ATP10B: variants seen among roughly 807,000 people sequenced by gnomAD.
ATP10B encodes the protein phospholipid-transporting ATPase VB.
Under a neutral mutation model 141.2 loss-of-function variants are expected in ATP10B, and 122 were observed. The observed-to-expected ratio is 0.86, with a 90% CI of 0.75 to 1.00. The LOEUF is 1.00. ATP10B is among the 50% of genes least tolerant of loss of function. ATP10B has a pLI of 0.00. For synonymous variants in ATP10B, 685 were observed against 692.0 expected, an observed-to-expected ratio of 0.99 and a Z score of 0.16; for missense variants, 1,876 against 1,825.3, an observed-to-expected ratio of 1.03 and a Z score of -0.51.
rs1267191350 is a variant in ATP10B at position 160,653,631 on chromosome 5, CATATATACATATATATT to C, written c.676-4392_676-4376del. Among the ~76,000 whole-genome samples, 27 of 78,032 alleles carry C rather than the reference CATATATACATATATATT, an allele frequency of 3.5e-4. 1 individual carries two copies. The highest frequency in any genetic ancestry group is 1.3e-3 in the African/African-American group (24 of 19,166). The allele number at this position is 78,032 out of a possible 152,430, so 51.2% of individuals were successfully genotyped here. A position where few individuals can be genotyped will look rare whatever the true frequency, so the allele number is the denominator to read the frequency against. ...CATATATACATATATATTATATATA[CATATATACATATATATT>C]ATATATACATATATACATATATATT... On this transcript the variant is annotated intron_variant, in intron 7 of 25. Coordinates refer to ENST00000327245, the MANE Select transcript of ATP10B (RefSeq NM_025153.3).
chr5:160,716,537 A>G (rs1765670703), intron 3 of ATP10B, among the ~76,000 whole-genome samples: 3 of 152,218 alleles, frequency 2.0e-5, no homozygotes, highest in Admixed American at 1.3e-4. Context: ...CTCATAAAAC[A>G]AACAGAATGC....
At chr5:160,631,526 A>C (rs1330085552) in intron 13 of ATP10B, among the ~76,000 whole-genome samples, 3 of 152,276 alleles carry the variant, frequency 2.0e-5, no homozygotes, top group Non-Finnish European at 4.4e-5. Flanking sequence ...TAATCTTGAC[A>C]TAGATATTAT....
chr5:160,649,699 C>T (rs1331895405), intron 7 of ATP10B, among the ~76,000 whole-genome samples: 3 of 152,162 alleles, frequency 2.0e-5, no homozygotes, highest in African/African-American at 7.2e-5. Context: ...CTACATGTGG[C>T]TAGTGGTTAT....
intron 17 of ATP10B, 36 bp from the exon 18 acceptor site, chr5:160,612,961 C>T (rs768629735): frequency 1.4e-5 from 22 of 1,579,812 alleles, no homozygotes; most frequent in Middle Eastern, 2.1e-4. Context: ...TCACATTTAT[C>T]GTAAAAGAGT....
intron 3 of ATP10B, among the ~76,000 whole-genome samples, chr5:160,699,758 G>A (rs906721645): frequency 6.6e-6 from 1 of 152,114 alleles, no homozygotes; most frequent in African/African-American, 2.4e-5. Context: ...AGGAAAAGGG[G>A]GAGGGAAAGG....
chr5:160,681,715 G>A (rs1289891415), intron 6 of ATP10B, among the ~76,000 whole-genome samples: 1 of 152,030 alleles, frequency 6.6e-6, no homozygotes, highest in Non-Finnish European at 1.5e-5. Context: ...CAAGTTTTTG[G>A]GCTCATAAGC....
chr5:160,864,796 C>A, the ATP10B span, among the ~76,000 whole-genome samples: 1 of 151,636 alleles, frequency 6.6e-6, no homozygotes, highest in Non-Finnish European at 1.5e-5. Flanking sequence ...AGAATCAAAT[C>A]GAAAACTCAA....
At chr5:160,884,047 C>G in the ATP10B span, among the ~76,000 whole-genome samples, 2 of 152,134 alleles carry the variant, frequency 1.3e-5, no homozygotes, top group African/African-American at 2.4e-5. Flanking sequence ...ACATTTTTCT[C>G]TACAGCATAT....
the ATP10B span, among the ~76,000 whole-genome samples, chr5:160,903,002 TAGAAG>T: frequency 4.6e-5 from 7 of 152,182 alleles, no homozygotes; most frequent in Non-Finnish European, 5.9e-5. Context: ...GCACTGGATT[TAGAAG>T]AGAAATGTCA....
intron 2 of ATP10B, among the ~76,000 whole-genome samples, chr5:160,775,007 C>A (rs1770187100): frequency 6.6e-6 from 1 of 152,222 alleles, no homozygotes; most frequent in African/African-American, 2.4e-5. Flanking sequence ...CGTGGACCCA[C>A]CAGGCTCCTA....
rs763933229 is a variant in ATP10B at position 160,618,018 on chromosome 5, C to T, written c.2417-45G>A. Reference sequence around the variant, plus strand: ...CCGCATGAGGCCACATACAAATGCTCAGGGATCCCCATCCCCAATACCCTG... The same window carrying T: ...CCGCATGAGGCCACATACAAATGCTTAGGGATCCCCATCCCCAATACCCTG... On this transcript the variant is annotated intron_variant, in intron 15 of 25. Coordinates refer to ENST00000327245, the MANE Select transcript of ATP10B (RefSeq NM_025153.3). The T allele has an allele frequency of 4.9e-6, 7 of 1,440,744 alleles. No individual in the cohort carries two copies. The East Asian group carries it at 1.1e-4, about 23-fold the overall frequency. The allele number at this position is 1,440,744 out of a possible 1,614,324, so 89.2% of individuals were successfully genotyped here. A position where few individuals can be genotyped will look rare whatever the true frequency, so the allele number is the denominator to read the frequency against.
chr5:160,770,114 T>C (rs925886085), intron 2 of ATP10B, among the ~76,000 whole-genome samples: 1 of 152,070 alleles, frequency 6.6e-6, no homozygotes, highest in African/African-American at 2.4e-5. Flanking sequence ...TCCTAATGTA[T>C]TCTTTGTTTC....
chr5:160,603,204 T>A (rs1000786319), intron 20 of ATP10B: 2 of 156,344 alleles, frequency 1.3e-5, no homozygotes, highest in Admixed American at 6.2e-5. Context: ...TAGTACTCTT[T>A]TAAAAACATG....
Position 160,688,033 on chromosome 5 carries a change from C to G in ATP10B, c.42G>C (p.Trp14Cys), listed in dbSNP as rs1236916450. The G allele has an allele frequency of 1.2e-6, 2 of 1,613,758 alleles. No homozygotes were observed. The highest frequency in any genetic ancestry group is 1.7e-6 in the Non-Finnish European group (2 of 1,179,992). The change falls in exon 5 of 26, where the codon TGG becomes TGC. Residue 14 changes from tryptophan (W) to cysteine (C), a missense_variant. By Grantham distance (215) the Trp-to-Cys change is radical. Coordinates refer to ENST00000327245, the MANE Select transcript of ATP10B (RefSeq NM_025153.3). Reference sequence around the variant, plus strand: ...AATGGGGGAAGCCATCTCTGACTCTCCACTGCCACCGATGCCACGATGAGT... The same window carrying G: ...AATGGGGGAAGCCATCTCTGACTCTGCACTGCCACCGATGCCACGATGAGT... ...SVDSSWHRWQ[W>C]RVRDGFPHCP... is the part of the protein sequence containing the mutation.
chr5:160,685,021 T>C, intron 6 of ATP10B: 1 of 703,480 alleles, frequency 1.4e-6, no homozygotes, highest in Non-Finnish European at 2.6e-6. Flanking sequence ...AAAATAGAGA[T>C]TGGCAAACCG....
At chr5:160,633,175 AC>A (rs1462612733) in intron 12 of ATP10B, 1 of 152,240 alleles carries the variant, frequency 6.6e-6, no homozygotes, top group Non-Finnish European at 1.5e-5. Context: ...AGGATCTAGA[AC>A]CAGAAATACC....
intron 1 of ATP10B, among the ~76,000 whole-genome samples, chr5:160,813,877 T>C (rs568694687): frequency 4.2e-4 from 64 of 152,334 alleles, no homozygotes; most frequent in Non-Finnish European, 7.9e-4. Context: ...AAACAGGGTC[T>C]GGAGTGGACC....
At chr5:160,748,978 C>G (rs1767982484) in intron 2 of ATP10B, among the ~76,000 whole-genome samples, 1 of 152,156 alleles carries the variant, frequency 6.6e-6, no homozygotes, top group Non-Finnish European at 1.5e-5. Flanking sequence ...GAGGAATGAT[C>G]TCTTTTGTAC....
upstream of ATP10B, among the ~76,000 whole-genome samples, chr5:160,856,276 G>A (rs532029036): frequency 6.6e-6 from 1 of 151,842 alleles, no homozygotes; most frequent in East Asian, 1.9e-4. Context: ...TTTAGCATAT[G>A]AGTCCTGTAC....
Sources: gnomAD v4.1 joint callset for allele counts (sites outside exome capture counted in the v4.1 genomes callset) on GRCh38, gnomAD v4.1.1 for gene constraint, MANE v1.5 for transcripts, NCBI Gene and HGNC (gene_info 2026-07-23, HGNC 2026-07-21) for gene names.